Variants in MRPS23 observed in about 807,000 individuals in gnomAD.
MRPS23 encodes mitochondrial ribosomal protein S23, also known as small ribosomal subunit protein mS23.
In MRPS23, 14 loss-of-function variants were observed where a neutral mutation model predicts 19.8. The ratio of observed to expected loss-of-function variants is 0.71; its 90% CI spans 0.47 to 1.11. The LOEUF (loss-of-function observed/expected upper bound fraction) is 1.11. MRPS23 is among the 50% of genes least tolerant of loss of function. The pLI, the probability that MRPS23 is intolerant of heterozygous loss-of-function variation, is 0.00. For missense variants in MRPS23, 242 were observed against 236.7 expected (o/e 1.02, Z -0.15); for synonymous variants, 113 against 89.7 (o/e 1.26, Z -1.47).
At chr17:57,849,043 C>T in intron 2 of MRPS23, 197 bp downstream of exon 2, 2 of 642,228 alleles carry the variant, frequency 3.1e-6, no homozygotes, top group South Asian at 4.4e-5. Flanking sequence ...CTTTCGGTTG[C>T]TGGGCTCCAG....
intron 2 of MRPS23, among the ~76,000 whole-genome samples, chr17:57,842,606 G>C (rs1160530397): frequency 6.6e-6 from 1 of 152,124 alleles, no homozygotes; most frequent in African/African-American, 2.4e-5. Context: ...GGTACTACTG[G>C]ATCAAGGTAT....
rs1182673970 is a variant in MRPS23 at position 57,839,565 on chromosome 17, A to C, written c.*218T>G. ...AAATTTACTTTATAAGCAGCTAGGG[A>C]ATTCTTTATTTAGTAATGTCCTAAC... On this transcript the variant is annotated 3_prime_UTR_variant, in exon 5 of 5. Transcript: ENST00000313608. 2.4e-6 allele frequency: 1 copy of C among 418,070 alleles called. No individual in the cohort carries two copies. The highest frequency in any genetic ancestry group is 3.6e-5 in the East Asian group (1 of 27,644). The allele number at this position is 418,070 out of a possible 1,614,324, so 25.9% of individuals were successfully genotyped here.
In MRPS23 at chr17:57,838,699, T is replaced by C. The variant is rs2073722086; in HGVS notation, c.*1084A>G. Reference sequence around the variant, plus strand: ...ATGGCTGAGAGCTGCTTTTGCCTAATGTATTCATTCACCTGCATGAACCAA... The same window carrying C: ...ATGGCTGAGAGCTGCTTTTGCCTAACGTATTCATTCACCTGCATGAACCAA... On this transcript the variant is annotated 3_prime_UTR_variant, in exon 5 of 5. Coordinates refer to ENST00000313608, the MANE Select transcript of MRPS23 (RefSeq NM_016070.4). 6.6e-6 allele frequency: 1 copy of C among 152,280 alleles called. No homozygotes were observed. The highest frequency in any genetic ancestry group is 1.5e-5 in the Non-Finnish European group (1 of 68,052). The allele number at this position is 152,280 out of a possible 1,614,324, so 9.4% of individuals were successfully genotyped here.
intron 1 of MRPS23, 141 bp downstream of exon 1, chr17:57,849,826 G>A: frequency 1.0e-6 from 1 of 970,578 alleles, no homozygotes; most frequent in Non-Finnish European, 1.5e-6. Context: ...GAGAAAACAT[G>A]AGAGGGCCTC....
chr17:57,839,127 C>T lies in MRPS23; in HGVS notation c.*656G>A, dbSNP rs1157783346. On this transcript the variant is annotated 3_prime_UTR_variant, in exon 5 of 5. Coordinates refer to ENST00000313608, the MANE Select transcript of MRPS23 (RefSeq NM_016070.4). ...CAGTCTTTAGCTGGATATAACCATT[C>T]GTTCACTCATTCATTCAACAAGTAT... 1 of 152,242 alleles carries T rather than the reference C, an allele frequency of 6.6e-6. No homozygotes were observed. Among genetic ancestry groups the T allele is most frequent in the African/African-American group, 2.4e-5 (1 of 41,456 alleles). 9.4% of individuals were successfully genotyped at this position (152,242 alleles called of 1,614,324 possible).
intron 4 of MRPS23, among the ~76,000 whole-genome samples, chr17:57,840,522 A>AAGCC (rs1250571063): frequency 3.9e-5 from 6 of 152,202 alleles, no homozygotes; most frequent in Non-Finnish European, 5.9e-5. Context: ...TTAAGAACAT[A>AAGCC]AGCCAAGGTT....
Position 57,835,715 on chromosome 17 carries a change from T to C in MRPS23, c.*4068A>G, listed in dbSNP as rs1186302306. 3.3e-5 allele frequency: 5 copies of C among 152,188 alleles called. No homozygotes were observed. The East Asian group carries it at 9.6e-4, about 29-fold the overall frequency. The allele number at this position is 152,188 out of a possible 1,614,324, so 9.4% of individuals were successfully genotyped here. ...CTGGAAGCCAAAAAGGCAAACATTG[T>C]CCATATTTTACAGGCTGAAATACTG... On this transcript the variant is annotated 3_prime_UTR_variant, in exon 5 of 5. Transcript: ENST00000313608.
Position 57,849,368 on chromosome 17 carries a change from G to T in MRPS23, c.87C>A (p.Pro29=). 6.2e-7 allele frequency: 1 copy of T among 1,614,152 alleles called. No homozygotes were observed. Residue 29 remains proline (P), a synonymous_variant, in exon 2 of 5, where the codon CCC becomes CCA. Transcript: ENST00000313608. ...AGGCGTCATATACGTCAAACCACAG[G>T]GGCTTCTCCTTCAGCACCCCGGCCC... ...LVRAGVLKEK[P]LWFDVYDAFP... is the part of the protein sequence containing the mutation.
intron 2 of MRPS23, among the ~76,000 whole-genome samples, chr17:57,843,799 A>T (rs1461620453): frequency 6.6e-6 from 1 of 152,230 alleles, no homozygotes; most frequent in African/African-American, 2.4e-5. Flanking sequence ...TTCGTTACAC[A>T]GTGGTCTCTT....
chr17:57,844,936 C>T (rs895095646), intron 2 of MRPS23, among the ~76,000 whole-genome samples: 1 of 151,976 alleles, frequency 6.6e-6, no homozygotes, highest in Admixed American at 6.6e-5. Context: ...CTCACTCTGT[C>T]ACCCAGGCTG....
chr17:57,835,380 C>T lies in MRPS23; in HGVS notation c.*4403G>A, dbSNP rs2073698752. The T allele has an allele frequency of 6.6e-6, 1 of 152,372 alleles. No homozygotes were observed. The highest frequency in any genetic ancestry group is 1.5e-5 in the Non-Finnish European group (1 of 68,084). 9.4% of individuals were successfully genotyped at this position (152,372 alleles called of 1,614,324 possible). ...GTTTGTGACCTTGGACTTGCTGCCT[C>T]CTTTTTGGTCCCTCTGACATGTCTC... is the stretch of plus-strand genomic sequence containing the variant. On this transcript the variant is annotated 3_prime_UTR_variant, in exon 5 of 5. Coordinates refer to ENST00000313608, the MANE Select transcript of MRPS23 (RefSeq NM_016070.4).
intron 1 of MRPS23, 180 bp downstream of exon 1, chr17:57,849,787 C>T (rs2073800062): frequency 1.4e-6 from 1 of 709,804 alleles, no homozygotes; most frequent in South Asian, 2.0e-5. Flanking sequence ...CAAGGAGAGG[C>T]ATCCTCAGGC....
chr17:57,847,009 G>C (rs1210886271), intron 2 of MRPS23, among the ~76,000 whole-genome samples: 1 of 151,760 alleles, frequency 6.6e-6, no homozygotes, highest in African/African-American at 2.4e-5. Context: ...TAAGAATGTT[G>C]CTAGGAGGCC....
At position 57,842,891 on chromosome 17, in the gene MRPS23, T is replaced by TATACACAC. The variant is rs1172458239; in HGVS notation, c.216-1632_216-1631insGTGTGTAT. On this transcript the variant is annotated intron_variant, in intron 2 of 4. Transcript: ENST00000313608. The stretch of plus-strand genomic sequence containing the variant: ...AAAAAAAAAAAAAAATATATATATA[T>TATACACAC]ACACACACACACACACACACACACA... 9.1e-4 allele frequency among the ~76,000 whole-genome samples: 70 copies of TATACACAC among 76,598 alleles called. 1 individual carries two copies. Among genetic ancestry groups the TATACACAC allele is most frequent in the African/African-American group, 3.3e-3 (66 of 20,002 alleles). 50.3% of individuals were successfully genotyped at this position (76,598 alleles called of 152,430 possible).
chr17:57,841,430 C>T (rs1381322327), intron 2 of MRPS23, among the ~76,000 whole-genome samples, 170 bp from the exon 3 acceptor site: 1 of 152,224 alleles, frequency 6.6e-6, no homozygotes, highest in Non-Finnish European at 1.5e-5. Context: ...CACACATGCA[C>T]ATGGTAAATA....
chr17:57,849,378 T>G lies in MRPS23; in HGVS notation c.77A>C (p.Lys26Thr). ...TRDLVRAGVL[K>T]EKPLWFDVYD... ...TACGTCAAACCACAGGGGCTTCTCC[T>G]TCAGCACCCCGGCCCGAACCAGGTC... Residue 26 changes from lysine to threonine, a missense_variant, in exon 2 of 5, where the codon AAG becomes ACG. By Grantham distance (78) the Lys-to-Thr change is moderately conservative (BLOSUM62 -1). Transcript: ENST00000313608. The G allele has an allele frequency of 1.9e-6, 3 of 1,614,112 alleles. No individual in the cohort carries two copies. Among genetic ancestry groups the G allele is most frequent in the Non-Finnish European group, 2.5e-6 (3 of 1,180,036 alleles).
rs2073722904 is a variant in MRPS23 at position 57,838,811 on chromosome 17, C to A, written c.*972G>T. The A allele has an allele frequency of 6.6e-6, 1 of 152,208 alleles. No homozygotes were observed. The highest frequency in any genetic ancestry group is 1.5e-5 in the Non-Finnish European group (1 of 68,042). 9.4% of individuals were successfully genotyped at this position (152,208 alleles called of 1,614,324 possible). A position where few individuals can be genotyped will look rare whatever the true frequency, so the allele number is the denominator to read the frequency against. ...GTACCAGGAGAGATGAGAGCATACA[C>A]AAAGAATCACTGGGTAGAAAATCTA... On this transcript the variant is annotated 3_prime_UTR_variant, in exon 5 of 5. Transcript: ENST00000313608.
intron 2 of MRPS23, among the ~76,000 whole-genome samples, chr17:57,843,601 G>A (rs1051079669): frequency 6.6e-6 from 1 of 152,132 alleles, no homozygotes; most frequent in Non-Finnish European, 1.5e-5. Context: ...CCCTCATGAT[G>A]GGATTAGTGC....
chr17:57,849,781 G>A (rs2073800008), intron 1 of MRPS23, 186 bp downstream of exon 1: 2 of 690,178 alleles, frequency 2.9e-6, no homozygotes, highest in Non-Finnish European at 4.7e-6. Flanking sequence ...TAAATTCAAG[G>A]AGAGGCATCC....
Sources: gnomAD v4.1 joint callset for allele counts (sites outside exome capture counted in the v4.1 genomes callset) on GRCh38, gnomAD v4.1.1 for gene constraint, MANE v1.5 for transcripts, NCBI Gene and HGNC (gene_info 2026-07-23, HGNC 2026-07-21) for gene names.